Variants in BTAF1 observed in about 807,000 individuals in gnomAD.
The protein encoded by BTAF1 is TATA-binding protein-associated factor 172.
BTAF1 carries 38 observed loss-of-function variants against 227.1 expected under a neutral mutation model. The ratio of observed to expected loss-of-function variants is 0.17; its 90% CI spans 0.13 to 0.22. The LOEUF is 0.22. Among genes scored for constraint, BTAF1 ranks in the 10% least tolerant of loss-of-function variants. BTAF1 has a pLI of 1.00. For synonymous variants in BTAF1, 742 were observed against 751.9 expected, an observed-to-expected ratio of 0.99 and a Z score of 0.21; for missense variants, 1,598 against 2,204.0, an observed-to-expected ratio of 0.73 and a Z score of 5.51.
intron 25 of BTAF1, among the ~76,000 whole-genome samples, chr10:92,006,014 C>T (rs904995631): frequency 6.6e-6 from 1 of 152,052 alleles, no homozygotes; most frequent in Admixed American, 6.6e-5. Context: ...GCTGGGACTA[C>T]AGTCCCATGT....
intron 23 of BTAF1, among the ~76,000 whole-genome samples, chr10:91,995,014 T>G (rs1217760968): frequency 6.6e-6 from 1 of 152,182 alleles, no homozygotes; most frequent in African/African-American, 2.4e-5. Context: ...GTTTCCTAGA[T>G]AAGTACAAAG....
chr10:92,001,756 G>A (rs1006106686), intron 25 of BTAF1, among the ~76,000 whole-genome samples: 16 of 151,828 alleles, frequency 1.1e-4, no homozygotes, highest in African/African-American at 3.9e-4. Flanking sequence ...CCAGTAACTG[G>A]GGGAAAATAC....
intron 25 of BTAF1, 25 bp from the exon 26 acceptor site, chr10:92,008,098 A>T: frequency 6.4e-7 from 1 of 1,555,958 alleles, no homozygotes; most frequent in Non-Finnish European, 8.6e-7. Context: ...CGTAGTTTTT[A>T]ATAACTTTAA....
intron 24 of BTAF1, 134 bp downstream of exon 24, chr10:91,996,704 A>G (rs946665177): frequency 3.8e-6 from 3 of 793,174 alleles, no homozygotes; most frequent in Non-Finnish European, 3.8e-6. Context: ...TTCTTTTTAC[A>G]TCTTATTTTG....
In BTAF1 at chr10:91,982,758, A is replaced by G. The variant is rs1003669507; in HGVS notation, c.2220A>G (p.Gln740=). 3.1e-6 allele frequency: 5 copies of G among 1,605,410 alleles called. No homozygotes were observed. In the African/African-American group the frequency reaches 4.0e-5, roughly 13 times the overall value. Reference sequence around the variant, plus strand: ...TAATCTGTGAATGGGCTGCTTTACAAAAGGTAAGATTTTGCCCCAAAAGTA... The same window carrying G: ...TAATCTGTGAATGGGCTGCTTTACAGAAGGTAAGATTTTGCCCCAAAAGTA... ...ALVICEWAAL[Q]KECKAVTLAV... The change falls in exon 18 of 38, where the codon CAA becomes CAG. Residue 740 remains glutamine, a synonymous_variant. Transcript: ENST00000265990.
At chr10:92,021,150 T>C (rs1200102319) in intron 34 of BTAF1, among the ~76,000 whole-genome samples, 1 of 152,234 alleles carries the variant, frequency 6.6e-6, no homozygotes, top group Non-Finnish European at 1.5e-5. Context: ...GAAGTCTTAC[T>C]TGCTTTCTAA....
At chr10:91,940,817 T>C (rs1300604058) in intron 3 of BTAF1, among the ~76,000 whole-genome samples, 1 of 152,092 alleles carries the variant, frequency 6.6e-6, no homozygotes, top group African/African-American at 2.4e-5. Flanking sequence ...CCCAAGTAGC[T>C]GCGATTACAG....
intron 14 of BTAF1, among the ~76,000 whole-genome samples, chr10:91,973,052 T>C (rs1847416870): frequency 6.6e-6 from 1 of 152,228 alleles, no homozygotes; most frequent in Non-Finnish European, 1.5e-5. Context: ...ACTCTCACTT[T>C]TAATTTGTGT....
rs1851729734 is a variant in BTAF1 at position 92,029,164 on chromosome 10, A to G, written c.*231A>G. The G allele has an allele frequency of 5.2e-6, 2 of 382,136 alleles. No homozygotes were observed. The highest frequency in any genetic ancestry group is 4.3e-5 in the African/African-American group (2 of 46,830). The allele number at this position is 382,136 out of a possible 1,614,324, so 23.7% of individuals were successfully genotyped here. ...ATGGTTTAAATTTTACATGCTGAAA[A>G]GCTGCAGAGCAGAGGAACCAAACCA... On this transcript the variant is annotated 3_prime_UTR_variant, in exon 38 of 38. Transcript: ENST00000265990.
chr10:91,935,346 A>G lies in BTAF1; in HGVS notation c.15-311A>G, dbSNP rs566914691. On this transcript the variant is annotated intron_variant, in intron 1 of 37. Coordinates refer to ENST00000265990, the MANE Select transcript of BTAF1 (RefSeq NM_003972.3). ...CAGAACACTAGAACTTGTTTCTTCT[A>G]TTTAGCTGTAAATAGACGGTTAACC... Among the ~76,000 whole-genome samples the G allele has an allele frequency of 5.3e-5, 8 of 152,250 alleles. No individual in the cohort carries two copies. In the South Asian group the frequency reaches 6.2e-4, roughly 12 times the overall value.
chr10:91,949,249 G>T (rs942834991), intron 4 of BTAF1, among the ~76,000 whole-genome samples: 1 of 152,118 alleles, frequency 6.6e-6, no homozygotes, highest in African/African-American at 2.4e-5. Flanking sequence ...GGTGGACAAG[G>T]CTCCAGTGAG....
intron 25 of BTAF1, 42 bp from the exon 26 acceptor site, chr10:92,008,081 G>A (rs750909036): frequency 8.7e-6 from 13 of 1,499,760 alleles, no homozygotes; most frequent in South Asian, 2.6e-5. Context: ...AATGAAAACT[G>A]TGAGTACGTA....
intron 20 of BTAF1, among the ~76,000 whole-genome samples, chr10:91,990,439 G>T (rs970559522): frequency 1.3e-5 from 2 of 151,744 alleles, no homozygotes; most frequent in Admixed American, 1.3e-4. Context: ...CTTTTAAAGA[G>T]AACTTGCTTG....
intron 24 of BTAF1, chr10:91,997,128 T>G: frequency 2.2e-6 from 2 of 915,404 alleles, no homozygotes; most frequent in Non-Finnish European, 2.9e-6. Context: ...CAGTAGAAAC[T>G]CTGGTTCAAA....
chr10:91,926,781 A>G (rs937604138), intron 1 of BTAF1, among the ~76,000 whole-genome samples: 1 of 152,196 alleles, frequency 6.6e-6, no homozygotes, highest in Non-Finnish European at 1.5e-5. Context: ...CCTGCCTTCC[A>G]TGGCATCTCA....
intron 12 of BTAF1, among the ~76,000 whole-genome samples, chr10:91,963,476 G>A (rs765957774): frequency 1.9e-4 from 29 of 151,480 alleles, no homozygotes; most frequent in Non-Finnish European, 3.5e-4. Flanking sequence ...CTATGTTGCC[G>A]AGGCTGGTCT....
In BTAF1 at chr10:91,985,236, C is replaced by G. The variant is rs369737279; in HGVS notation, c.2427+832C>G. Among the ~76,000 whole-genome samples the G allele has an allele frequency of 5.3e-5, 8 of 152,180 alleles. No homozygotes were observed. In the South Asian group the frequency reaches 1.7e-3, roughly 32 times the overall value. ...AGAATTTCATGTAAATGAAATCATA[C>G]ACTGTGCTCTTTGGTGTAAGGATTT... On this transcript the variant is annotated intron_variant, in intron 19 of 37. Transcript: ENST00000265990.
chr10:91,949,995 A>T (rs1845636446), intron 4 of BTAF1, among the ~76,000 whole-genome samples: 2 of 152,070 alleles, frequency 1.3e-5, no homozygotes, highest in Non-Finnish European at 1.5e-5. Context: ...AAAAAAAATT[A>T]GCCAGGAATG....
chr10:91,966,365 CAT>C (rs2133921054), intron 13 of BTAF1, among the ~76,000 whole-genome samples: 2 of 152,302 alleles, frequency 1.3e-5, no homozygotes, highest in East Asian at 3.9e-4. Flanking sequence ...AAAGGTGACT[CAT>C]AGCATTAGTG....
Sources: allele counts gnomAD v4.1 joint callset (sites outside exome capture counted in the v4.1 genomes callset), GRCh38; gene constraint gnomAD v4.1.1; transcripts MANE v1.5; gene names NCBI Gene and HGNC (gene_info 2026-07-23, HGNC 2026-07-21).